CD5: variants seen among roughly 807,000 people sequenced by gnomAD.
CD5 encodes CD5 molecule.
A neutral mutation model predicts 60.3 loss-of-function variants in CD5; 36 were observed. The observed-to-expected ratio is 0.60, with a 90% CI of 0.46 to 0.79. The LOEUF is 0.79. Ranked by LOEUF, CD5 falls within the 30% of genes least tolerant of loss-of-function variation. The pLI is 0.00. For synonymous variants in CD5, 230 were observed against 257.6 expected, an observed-to-expected ratio of 0.89 and a Z score of 1.03; for missense variants, 540 against 630.6, an observed-to-expected ratio of 0.86 and a Z score of 1.54.
intron 1 of CD5, among the ~76,000 whole-genome samples, chr11:61,109,830 G>A (rs1356329567): frequency 6.6e-6 from 1 of 152,194 alleles, no homozygotes; most frequent in Admixed American, 6.5e-5. Context: ...TGCAAGGGGA[G>A]GTGGGCAGGA....
intron 1 of CD5, among the ~76,000 whole-genome samples, chr11:61,107,530 G>A (rs908223476): frequency 6.6e-6 from 1 of 152,228 alleles, no homozygotes; most frequent in Admixed American, 6.5e-5. Context: ...GCAGCACCCT[G>A]CGTTCAACAC....
chr11:61,111,949 T>C (rs978521094), intron 1 of CD5, among the ~76,000 whole-genome samples: 3 of 151,918 alleles, frequency 2.0e-5, no homozygotes, highest in Non-Finnish European at 4.4e-5. Context: ...ATGCTATGAG[T>C]GAGGAAATCG....
At chr11:61,095,203 G>A in the CD5 span, among the ~76,000 whole-genome samples, 3 of 152,070 alleles carry the variant, frequency 2.0e-5, no homozygotes, top group Non-Finnish European at 2.9e-5. Flanking sequence ...AACTCCACCA[G>A]ATAACCACAC....
chr11:61,094,142 G>A, the CD5 span, among the ~76,000 whole-genome samples: 188 of 152,020 alleles, frequency 1.2e-3, 3 homozygotes, highest in African/African-American at 3.8e-3. Flanking sequence ...GAGCATCCCC[G>A]CGGGGAACTC....
chr11:61,123,574 C>T (rs1161516252), intron 7 of CD5, among the ~76,000 whole-genome samples: 1 of 152,202 alleles, frequency 6.6e-6, no homozygotes, highest in Non-Finnish European at 1.5e-5. Flanking sequence ...CCCAGCAGGA[C>T]AGTGTTAGGT....
intron 1 of CD5, among the ~76,000 whole-genome samples, chr11:61,104,152 CTGTGTGTGGGAGTCTGTGCGCA>C (rs1346931180): frequency 5.3e-5 from 8 of 151,870 alleles, no homozygotes; most frequent in African/African-American, 1.9e-4. Flanking sequence ...GTGTGTGAGT[CTGTGTGTGGGAGTCTGTGCGCA>C]TGTGTGTGAG....
At chr11:61,103,203 G>A (rs76597922) in intron 1 of CD5, among the ~76,000 whole-genome samples, 3,748 of 152,296 alleles carry the variant, frequency 0.025, 161 homozygotes, top group African/African-American at 0.084. Flanking sequence ...AGGCCGGCTG[G>A]GATGAGTACA....
chr11:61,112,942 C>A (rs1860879550), intron 1 of CD5, among the ~76,000 whole-genome samples: 1 of 152,214 alleles, frequency 6.6e-6, no homozygotes, highest in Non-Finnish European at 1.5e-5. Context: ...TTTTTCAAAG[C>A]ACACCTATTT....
At chr11:61,106,874 G>A (rs1458827280) in intron 1 of CD5, among the ~76,000 whole-genome samples, 1 of 152,128 alleles carries the variant, frequency 6.6e-6, no homozygotes, top group Non-Finnish European at 1.5e-5. Flanking sequence ...AAAGATCACT[G>A]CAATAATTAC....
chr11:61,119,477 A>G lies in CD5; in HGVS notation c.707A>G (p.Gln236Arg). The G allele has an allele frequency of 6.2e-7, 1 of 1,614,186 alleles. No homozygotes were observed. Among genetic ancestry groups the G allele is most frequent in the Non-Finnish European group, 8.5e-7 (1 of 1,180,036 alleles). ...EPREHQPLPI[Q>R]WKIQNSSCTS... ...CGGGAACACCAGCCCTTGCCAATCC[A>G]ATGGAAGATCCAGAACTCAAGCTGT... The change falls in exon 5 of 11, where the codon CAA (glutamine) becomes CGA (arginine). Residue 236 changes from glutamine (Q) to arginine (R), a missense_variant. Coordinates refer to ENST00000347785, the MANE Select transcript of CD5 (RefSeq NM_014207.4).
upstream of CD5, among the ~76,000 whole-genome samples, chr11:61,101,680 C>T (rs964929618): frequency 1.2e-4 from 17 of 140,920 alleles, no homozygotes; most frequent in African/African-American, 2.1e-4. Context: ...ATCAACATGG[C>T]GATCACAATC....
intron 1 of CD5, among the ~76,000 whole-genome samples, chr11:61,104,081 A>G (rs1486218684): frequency 1.7e-5 from 2 of 118,596 alleles, no homozygotes; most frequent in East Asian, 5.0e-4. Context: ...TCTGTGTGTG[A>G]GTCTCTGGGC....
chr11:61,123,091 C>A (rs4245224), intron 7 of CD5, 59 bp downstream of exon 7: 4 of 1,521,300 alleles, frequency 2.6e-6, no homozygotes, highest in South Asian at 2.5e-5. Flanking sequence ...AGGGGCTGCA[C>A]TAGAGTCCTC....
intron 1 of CD5, among the ~76,000 whole-genome samples, chr11:61,104,110 TGG>T: frequency 8.3e-6 from 1 of 120,198 alleles, no homozygotes; most frequent in Admixed American, 8.4e-5. Context: ...GAGTACTGTG[TGG>T]GGGGAATGTG....
At chr11:61,103,724 ATGTGTGAGTCTG>A (rs1352772620) in intron 1 of CD5, among the ~76,000 whole-genome samples, 8 of 125,158 alleles carry the variant, frequency 6.4e-5, no homozygotes, top group African/African-American at 1.9e-4. Flanking sequence ...GTGTAGGGGA[ATGTGTGAGTCTG>A]TGTGTGAGTC....
chr11:61,113,601 C>T (rs955127219), intron 1 of CD5, among the ~76,000 whole-genome samples: 4 of 152,226 alleles, frequency 2.6e-5, no homozygotes, highest in African/African-American at 9.6e-5. Flanking sequence ...TCATTCTTAT[C>T]CTGCCTTGGG....
intron 1 of CD5, among the ~76,000 whole-genome samples, chr11:61,107,603 C>T (rs561067301): frequency 6.6e-6 from 1 of 152,190 alleles, no homozygotes; most frequent in African/African-American, 2.4e-5. Context: ...ACAGCAAACA[C>T]CCTCCCACCA....
rs1860997430 is a variant in CD5, at chr11:61,118,486, T to C, written c.400+6T>C. On this transcript the variant is annotated splice_donor_region_variant and intron_variant, in intron 3 of 10. Transcript: ENST00000347785. The surrounding 1 kb of genome is among the most constrained non-coding windows in gnomAD (Gnocchi z 4.7). ...TCTGGGCCTGACCTGCTTAGGTGGG[T>C]AACTAGCCAGCCACACGGGCACCCT... is the stretch of plus-strand genomic sequence containing the variant. 2 of 1,610,948 alleles carry C rather than the reference T, an allele frequency of 1.2e-6. No individual in the cohort carries two copies. The highest frequency in any genetic ancestry group is 8.5e-7 in the Non-Finnish European group (1 of 1,177,618).
intron 5 of CD5, 40 bp downstream of exon 5, chr11:61,119,615 G>A (rs757832365): frequency 4.1e-6 from 6 of 1,451,340 alleles, no homozygotes; most frequent in African/African-American, 1.4e-5. Context: ...ACCTTCTGCT[G>A]CCCTAGGTGG....
Sources: allele counts gnomAD v4.1 joint callset (sites outside exome capture counted in the v4.1 genomes callset), GRCh38; gene constraint gnomAD v4.1.1; non-coding constraint Gnocchi (gnomAD v3.1); transcripts MANE v1.5; gene names NCBI Gene and HGNC (gene_info 2026-07-23, HGNC 2026-07-21).